Variants in DNAJC1 observed in about 807,000 individuals in gnomAD.
DNAJC1 encodes the protein DnaJ heat shock protein family (Hsp40) member C1.
A neutral mutation model predicts 76.6 loss-of-function variants in DNAJC1; 58 were observed. That is an observed-to-expected ratio of 0.76 (90% CI 0.61 to 0.94). DNAJC1 has a LOEUF of 0.94. Ranked by LOEUF, DNAJC1 falls within the 40% of genes least tolerant of loss-of-function variation. The probability of loss-of-function intolerance (pLI) is 0.00; values close to 1 mark genes in which losing one functional copy is unlikely to be tolerated. For synonymous variants in DNAJC1, 258 were observed against 267.9 expected (o/e 0.96, Z 0.36); for missense variants, 689 against 677.3 (o/e 1.02, Z -0.19).
chr10:21,894,106 A>G (rs1251209385), intron 7 of DNAJC1, among the ~76,000 whole-genome samples: 2 of 152,260 alleles, frequency 1.3e-5, no homozygotes, highest in Non-Finnish European at 1.5e-5. Flanking sequence ...CATGAAACAG[A>G]TAAATGAAAC....
At position 21,803,721 on chromosome 10, in the gene DNAJC1, G is replaced by GAA. The variant is rs930137836; in HGVS notation, c.1098+2257_1098+2258dup. 4 of 590,334 alleles carry GAA rather than the reference G, an allele frequency of 6.8e-6. No homozygotes were observed. In the African/African-American group the frequency reaches 8.1e-5, roughly 12 times the overall value. 36.6% of individuals were successfully genotyped at this position (590,334 alleles called of 1,614,324 possible). On this transcript the variant is annotated intron_variant, in intron 9 of 11. Coordinates refer to ENST00000376980, the MANE Select transcript of DNAJC1 (RefSeq NM_022365.4). The stretch of plus-strand genomic sequence containing the variant: ...GCCATGGAGATGATGCTTACAGAAT[G>GAA]AAAATGCAGTGTGGGTCTATATATA...
intron 6 of DNAJC1, 105 bp downstream of exon 6, chr10:21,918,674 G>T: frequency 2.8e-6 from 2 of 713,386 alleles, no homozygotes; most frequent in Non-Finnish European, 4.8e-6. Flanking sequence ...ACATTATAAA[G>T]CATCCACTGC....
chr10:21,838,718 A>G (rs528994306), intron 8 of DNAJC1, among the ~76,000 whole-genome samples: 35 of 152,318 alleles, frequency 2.3e-4, no homozygotes, highest in African/African-American at 7.9e-4. Context: ...AAGGATACCC[A>G]GGAATTGAAC....
chr10:21,948,578 G>A (rs1564835751), intron 1 of DNAJC1, among the ~76,000 whole-genome samples: 1 of 152,094 alleles, frequency 6.6e-6, no homozygotes. Flanking sequence ...AAAATATTAA[G>A]ACATTTTGAG....
intron 8 of DNAJC1, among the ~76,000 whole-genome samples, chr10:21,808,924 G>A (rs765971909): frequency 2.6e-5 from 4 of 152,122 alleles, no homozygotes; most frequent in Non-Finnish European, 4.4e-5. Flanking sequence ...CCCATTCTGG[G>A]AATAAATCTC....
intron 8 of DNAJC1, among the ~76,000 whole-genome samples, chr10:21,863,553 T>C (rs1835950186): frequency 6.6e-6 from 1 of 151,954 alleles, no homozygotes; most frequent in Non-Finnish European, 1.5e-5. Flanking sequence ...AATATTAAAA[T>C]AAAACTAAAT....
intron 1 of DNAJC1, among the ~76,000 whole-genome samples, chr10:21,964,499 A>C (rs1024665455): frequency 6.6e-6 from 1 of 152,226 alleles, no homozygotes; most frequent in African/African-American, 2.4e-5. Context: ...GGCATGAGCC[A>C]CCATGCCCAG....
chr10:21,855,744 A>G (rs935561558), intron 8 of DNAJC1, among the ~76,000 whole-genome samples: 1 of 152,152 alleles, frequency 6.6e-6, no homozygotes, highest in African/African-American at 2.4e-5. Flanking sequence ...GAGTCTCACC[A>G]ACACTTCAAC....
At chr10:21,800,256 A>C (rs967165446) in intron 9 of DNAJC1, among the ~76,000 whole-genome samples, 1 of 152,170 alleles carries the variant, frequency 6.6e-6, no homozygotes, top group Non-Finnish European at 1.5e-5. Context: ...TTCATGGGCA[A>C]TGGTGAAAAA....
intron 7 of DNAJC1, among the ~76,000 whole-genome samples, chr10:21,895,696 A>G (rs577030573): frequency 6.6e-6 from 1 of 152,270 alleles, no homozygotes; most frequent in South Asian, 2.1e-4. Flanking sequence ...ATATGAATAG[A>G]AGGAAGACAG....
At chr10:21,904,101 T>G (rs908489754) in intron 7 of DNAJC1, among the ~76,000 whole-genome samples, 4 of 152,222 alleles carry the variant, frequency 2.6e-5, no homozygotes, top group Non-Finnish European at 5.9e-5. Context: ...TATAACAATA[T>G]TGCAAATTAA....
At chr10:21,758,521 C>T (rs1834202993) in intron 11 of DNAJC1, among the ~76,000 whole-genome samples, 1 of 152,224 alleles carries the variant, frequency 6.6e-6, no homozygotes, top group South Asian at 2.1e-4. Flanking sequence ...CCAAGAGCTA[C>T]CAGCAGGGAG....
At chr10:21,802,899 T>C (rs561392494) in intron 9 of DNAJC1, among the ~76,000 whole-genome samples, 1 of 152,294 alleles carries the variant, frequency 6.6e-6, no homozygotes, top group South Asian at 2.1e-4. Flanking sequence ...GTGTCCTTTG[T>C]GATTACCAAA....
At chr10:21,849,081 G>A (rs896256778) in intron 8 of DNAJC1, among the ~76,000 whole-genome samples, 1 of 151,976 alleles carries the variant, frequency 6.6e-6, no homozygotes, top group Non-Finnish European at 1.5e-5. Flanking sequence ...CCTGATGTCA[G>A]GAGTTCAAGA....
rs78788338 is a variant in DNAJC1 at position 21,810,249 on chromosome 10, A to G, written c.979-4150T>C. ...AATTCACTGAATTTATACAATACAT[A>G]GATAAAAGGGCAGGAATTGGCTTTT... On this transcript the variant is annotated intron_variant, in intron 8 of 11. Transcript: ENST00000376980. 7.5e-3 allele frequency among the ~76,000 whole-genome samples: 1,137 copies of G among 152,290 alleles called. 13 individuals are homozygous for G. Among genetic ancestry groups the G allele is most frequent in the African/African-American group, 0.027 (1,109 of 41,560 alleles).
chr10:21,846,129 T>C (rs765973306), intron 8 of DNAJC1, among the ~76,000 whole-genome samples: 20 of 152,142 alleles, frequency 1.3e-4, no homozygotes, highest in Non-Finnish European at 2.2e-4. Context: ...CATCAGTAAA[T>C]GGGAAATAAT....
At chr10:21,957,675 T>C (rs1195868415) in intron 1 of DNAJC1, among the ~76,000 whole-genome samples, 1 of 152,176 alleles carries the variant, frequency 6.6e-6, no homozygotes, top group Non-Finnish European at 1.5e-5. Flanking sequence ...TTTTCAGTTA[T>C]TTAGTCTCTT....
At chr10:21,896,681 G>A (rs1297466720) in intron 7 of DNAJC1, among the ~76,000 whole-genome samples, 2 of 152,014 alleles carry the variant, frequency 1.3e-5, no homozygotes, top group Admixed American at 6.6e-5. Flanking sequence ...GGCTTTGGGG[G>A]CTATTGGTAT....
chr10:21,874,381 C>G (rs1345336332), intron 8 of DNAJC1, among the ~76,000 whole-genome samples: 1 of 151,418 alleles, frequency 6.6e-6, no homozygotes, highest in African/African-American at 2.4e-5. Flanking sequence ...GATTATGCCA[C>G]TGTGCTCCAG....
Sources: gnomAD v4.1 joint callset for allele counts (sites outside exome capture counted in the v4.1 genomes callset) on GRCh38, gnomAD v4.1.1 for gene constraint, MANE v1.5 for transcripts, NCBI Gene and HGNC (gene_info 2026-07-23, HGNC 2026-07-21) for gene names.